Variants in RANBP6 observed in about 807,000 individuals in gnomAD.
RANBP6 encodes RAN binding protein 6.
In RANBP6, 10 loss-of-function variants were observed where a neutral mutation model predicts 35.3. The observed-to-expected ratio is 0.28, with a 90% CI of 0.17 to 0.48. The LOEUF (loss-of-function observed/expected upper bound fraction) is 0.48. Among genes scored for constraint, RANBP6 ranks in the 20% least tolerant of loss-of-function variants. The pLI is 0.99. For synonymous variants in RANBP6, 514 were observed against 464.2 expected, an observed-to-expected ratio of 1.11 and a Z score of -1.38; for missense variants, 1,392 against 1,307.7, an observed-to-expected ratio of 1.06 and a Z score of -0.99.
At position 6,014,938 on chromosome 9, in the gene RANBP6, C is replaced by G; in HGVS notation, c.670G>C (p.Asp224His). The G allele has an allele frequency of 6.2e-7, 1 of 1,614,154 alleles. No individual in the cohort carries two copies. The highest frequency in any genetic ancestry group is 8.5e-7 in the Non-Finnish European group (1 of 1,180,012). Residue 224 changes from aspartate (D) to histidine (H), a missense_variant, in exon 1 of 1, where the codon GAC becomes CAC. Coordinates refer to ENST00000259569, the MANE Select transcript of RANBP6 (RefSeq NM_012416.4). ...NNIALFKDFADLLPGILQAVN... is the reference protein window; with the variant it reads ...NNIALFKDFAHLLPGILQAVN... Reference sequence around the variant, plus strand: ...GCCTGTAAGATTCCAGGAAGCAAGTCTGCAAAGTCTTTGAAAAGAGCAATA... The same window carrying G: ...GCCTGTAAGATTCCAGGAAGCAAGTGTGCAAAGTCTTTGAAAAGAGCAATA...
In RANBP6 at chr9:6,012,165, T is replaced by C. The variant is rs543631700; in HGVS notation, c.*125A>G. On this transcript the variant is annotated 3_prime_UTR_variant, in exon 1 of 1. Transcript: ENST00000259569. ...AACACTGATTAATTCTGGAGAAACA[T>C]GGAGAAGAACTATAAACTGCTTAGC... is the stretch of plus-strand genomic sequence containing the variant. 7.2e-6 allele frequency: 5 copies of C among 695,764 alleles called. No individual in the cohort carries two copies. The highest frequency in any genetic ancestry group is 4.9e-5 in the South Asian group (2 of 41,032). 43.1% of individuals were successfully genotyped at this position (695,764 alleles called of 1,614,324 possible).
Position 6,014,242 on chromosome 9 carries a change from G to A in RANBP6, c.1366C>T (p.Arg456Cys), listed in dbSNP as rs201478375. 37 of 1,613,964 alleles carry A rather than the reference G, an allele frequency of 2.3e-5. No homozygotes were observed. In the South Asian group the frequency reaches 2.4e-4, roughly 11 times the overall value. The change falls in exon 1 of 1, where the codon CGT (arginine) becomes TGT (cysteine). Residue 456 changes from arginine to cysteine, a missense_variant. Transcript: ENST00000259569. ...FHETVIAALL[R>C]TMENQGNQRV... ...TGATTACCTTGATTTTCCATGGTAC[G>A]TAACAGAGCTGCAATCACTGTTTCA...
Position 6,013,217 on chromosome 9 carries a change from G to A in RANBP6, c.2391C>T (p.His797=), listed in dbSNP as rs1177240393. The change falls in exon 1 of 1, where the codon CAC becomes CAT. Residue 797 remains histidine (H), a synonymous_variant. Transcript: ENST00000259569. ...VMGDGCLNDE[H]LEELGGILKA... is the part of the protein sequence containing the mutation. ...TCAGTATTCCTCCCAGTTCTTCCAA[G>A]TGTTCATCATTAAGGCAACCATCTC... 8 of 1,613,952 alleles carry A rather than the reference G, an allele frequency of 5.0e-6. No homozygotes were observed. Among genetic ancestry groups the A allele is most frequent in the African/African-American group, 1.3e-5 (1 of 75,018 alleles).
At position 6,012,599 on chromosome 9, in the gene RANBP6, G is replaced by T. The variant is rs756636728; in HGVS notation, c.3009C>A (p.His1003Gln). 1 of 1,614,106 alleles carries T rather than the reference G, an allele frequency of 6.2e-7. No homozygotes were observed. Among genetic ancestry groups the T allele is most frequent in the South Asian group, 1.1e-5 (1 of 91,064 alleles). The change falls in exon 1 of 1, where the codon CAC becomes CAA. Residue 1003 changes from histidine to glutamine, a missense_variant. Physicochemically the swap from His to Gln is conservative, Grantham distance 24. Coordinates refer to ENST00000259569, the MANE Select transcript of RANBP6 (RefSeq NM_012416.4). ...NCVNVDEVLP[H>Q]WLSWLPLHED... is the part of the protein sequence containing the mutation. ...CATGCAGTGGAAGCCATGATAACCA[G>T]TGTGGAAGAACTTCATCTACATTTA...
Position 6,013,361 on chromosome 9 carries a change from A to G in RANBP6, c.2247T>C (p.Tyr749=), listed in dbSNP as rs765830429. ...LECARIRGPE[Y]LAQMWQFICD... Reference sequence around the variant, plus strand: ...ATATGAATTGCCACATCTGTGCAAGATACTCTGGGCCACGAATTCTTGCAC... The same window carrying G: ...ATATGAATTGCCACATCTGTGCAAGGTACTCTGGGCCACGAATTCTTGCAC... Residue 749 remains tyrosine (Y), a synonymous_variant, in exon 1 of 1, where the codon TAT becomes TAC. Transcript: ENST00000259569. 6.2e-7 allele frequency: 1 copy of G among 1,614,184 alleles called. No homozygotes were observed. The highest frequency in any genetic ancestry group is 1.7e-5 in the Admixed American group (1 of 60,032).
chr9:6,014,842 G>A lies in RANBP6; in HGVS notation c.766C>T (p.Pro256Ser). The change falls in exon 1 of 1, where the codon CCT becomes TCT. Residue 256 changes from proline to serine, a missense_variant. Pro to Ser is a moderately conservative substitution (Grantham distance 74, BLOSUM62 -1). Transcript: ENST00000259569. ...ESLVEIADTV[P>S]KYLGPYLEDT... is the part of the protein sequence containing the mutation. ...TCTAAATAAGGACCCAAGTACTTAG[G>A]TACGGTATCTGCAATCTCAACAAGG... 1 of 1,614,196 alleles carries A rather than the reference G, an allele frequency of 6.2e-7. No homozygotes were observed. Among genetic ancestry groups the A allele is most frequent in the Non-Finnish European group, 8.5e-7 (1 of 1,180,036 alleles).
rs1244120728 is a variant in RANBP6 at position 6,013,992 on chromosome 9, T to C, written c.1616A>G (p.Tyr539Cys). 11 of 1,613,816 alleles carry C rather than the reference T, an allele frequency of 6.8e-6. No individual in the cohort carries two copies. The Middle Eastern group carries it at 4.9e-4, about 72-fold the overall frequency. The change falls in exon 1 of 1, where the codon TAT becomes TGT. Residue 539 changes from tyrosine to cysteine, a missense_variant. Transcript: ENST00000259569. ...CTTTAGTGAGGGCATGAATATATCA[T>C]AATATGGGACAAATTTTTCTTCTAT... ...DTIEEKFVPY[Y>C]DIFMPSLKHI... is the part of the protein sequence containing the mutation.
In RANBP6 at chr9:6,013,379, T is replaced by C; in HGVS notation, c.2229A>G (p.Arg743=). 6.2e-7 allele frequency: 1 copy of C among 1,614,206 alleles called. No homozygotes were observed. The highest frequency in any genetic ancestry group is 8.5e-7 in the Non-Finnish European group (1 of 1,180,030). The change falls in exon 1 of 1, where the codon AGA becomes AGG. Residue 743 remains arginine (R), a synonymous_variant. Coordinates refer to ENST00000259569, the MANE Select transcript of RANBP6 (RefSeq NM_012416.4). ...GTGCAAGATACTCTGGGCCACGAAT[T>C]CTTGCACATTCCAGGAGAAAAGGCA... The part of the protein sequence containing the change: ...ESMPFLLECA[R]IRGPEYLAQM...
chr9:6,015,034 G>C lies in RANBP6; in HGVS notation c.574C>G (p.Gln192Glu), dbSNP rs757054548. 2 of 1,614,162 alleles carry C rather than the reference G, an allele frequency of 1.2e-6. No individual in the cohort carries two copies. The highest frequency in any genetic ancestry group is 1.7e-6 in the Non-Finnish European group (2 of 1,180,026). The change falls in exon 1 of 1, where the codon CAA becomes GAA. Residue 192 changes from glutamine to glutamate, a missense_variant. By Grantham distance (29) the Gln-to-Glu change is conservative (BLOSUM62 2). Coordinates refer to ENST00000259569, the MANE Select transcript of RANBP6 (RefSeq NM_012416.4). Reference protein sequence around the residue: ...KRLLDQCIQDQEHPAIRTLSA... With the variant: ...KRLLDQCIQDEEHPAIRTLSA... ...AATGTCCTGATTGCTGGATGTTCTT[G>C]ATCTTGAATACACTGGTCCAACAAC... is the stretch of plus-strand genomic sequence containing the variant.
At position 6,012,904 on chromosome 9, in the gene RANBP6, G is replaced by T; in HGVS notation, c.2704C>A (p.His902Asn). 1 of 1,614,086 alleles carries T rather than the reference G, an allele frequency of 6.2e-7. No individual in the cohort carries two copies. The highest frequency in any genetic ancestry group is 8.5e-7 in the Non-Finnish European group (1 of 1,180,018). The change falls in exon 1 of 1, where the codon CAC becomes AAC. Residue 902 changes from histidine to asparagine, a missense_variant. By Grantham distance (68) the His-to-Asn change is moderately conservative. Coordinates refer to ENST00000259569, the MANE Select transcript of RANBP6 (RefSeq NM_012416.4). ...TATTTAAATGAAGTTGGACTGCAGT[G>T]CTCTATGATGTCATCAAATATGCAC... ...GLCIFDDIIE[H>N]CSPTSFKYVE...
In RANBP6 at chr9:6,014,494, T is replaced by A; in HGVS notation, c.1114A>T (p.Met372Leu). The change falls in exon 1 of 1, where the codon ATG becomes TTG. Residue 372 changes from methionine to leucine, a missense_variant. Transcript: ENST00000259569. ...VVLPMTKEHI[M>L]QMLQSPDWKY... Reference sequence around the variant, plus strand: ...CAGTCAGGGCTCTGAAGCATCTGCATGATATGCTCCTTGGTCATTGGTAAA... The same window carrying A: ...CAGTCAGGGCTCTGAAGCATCTGCAAGATATGCTCCTTGGTCATTGGTAAA... 1 of 1,614,232 alleles carries A rather than the reference T, an allele frequency of 6.2e-7. No individual in the cohort carries two copies.
In RANBP6 at chr9:6,011,147, G is replaced by C. The variant is rs1842463430; in HGVS notation, c.*1143C>G. On this transcript the variant is annotated 3_prime_UTR_variant, in exon 1 of 1. Coordinates refer to ENST00000259569, the MANE Select transcript of RANBP6 (RefSeq NM_012416.4). ...GAAATTATAGATGTATTTAAGTTTT[G>C]GATCAATGAGTAATCGTTAGCTGAG... The C allele has an allele frequency of 6.6e-6, 1 of 152,102 alleles. No homozygotes were observed. Among genetic ancestry groups the C allele is most frequent in the African/African-American group, 2.4e-5 (1 of 41,420 alleles). 9.4% of individuals were successfully genotyped at this position (152,102 alleles called of 1,614,324 possible). A position where few individuals can be genotyped will look rare whatever the true frequency, so the allele number is the denominator to read the frequency against.
chr9:6,013,161 TG>T lies in RANBP6; in HGVS notation c.2446del (p.Gln816LysfsTer3). 6.2e-7 allele frequency: 1 copy of T among 1,614,056 alleles called. No homozygotes were observed. Among genetic ancestry groups the T allele is most frequent in the Non-Finnish European group, 8.5e-7 (1 of 1,180,002 alleles). ...CTGTCTTTTCACCTGTCTCAATTCT[TG>T]GTTTTTAAAGTGCCCTTCAAGTTTT... ...KAKLEGHFKN[Q>X]ELRQVKRQEE... On this transcript the variant is annotated frameshift_variant, in exon 1 of 1. Coordinates refer to ENST00000259569, the MANE Select transcript of RANBP6 (RefSeq NM_012416.4). LOFTEE classifies it high-confidence loss of function.
rs1289590844 is a variant in RANBP6, at chr9:6,014,867, G to A, written c.741C>T (p.Ser247=). 6.2e-7 allele frequency: 1 copy of A among 1,614,078 alleles called. No homozygotes were observed. Residue 247 remains serine, a synonymous_variant, in exon 1 of 1, where the codon TCC becomes TCT. Transcript: ENST00000259569. Reference sequence around the variant, plus strand: ...GTACGGTATCTGCAATCTCAACAAGGGATTCTAGCACTGAATCATCATCCT... The same window carrying A: ...GTACGGTATCTGCAATCTCAACAAGAGATTCTAGCACTGAATCATCATCCT... ...CYQDDDSVLE[S]LVEIADTVPK... is the part of the protein sequence containing the mutation.
Position 6,012,282 on chromosome 9 carries a change from A to G in RANBP6, c.*8T>C. The G allele has an allele frequency of 1.3e-6, 2 of 1,524,122 alleles. No individual in the cohort carries two copies. Among genetic ancestry groups the G allele is most frequent in the Non-Finnish European group, 1.8e-6 (2 of 1,136,206 alleles). The allele number at this position is 1,524,122 out of a possible 1,614,324, so 94.4% of individuals were successfully genotyped here. ...TAATAGATAATATTCAAGTTATATT[A>G]AAGTGCTTCAAGCAAAATTTAGCAA... On this transcript the variant is annotated 3_prime_UTR_variant, in exon 1 of 1. Transcript: ENST00000259569.
Position 6,013,463 on chromosome 9 carries a change from C to T in RANBP6, c.2145G>A (p.Met715Ile). 6.2e-7 allele frequency: 1 copy of T among 1,614,198 alleles called. No individual in the cohort carries two copies. The highest frequency in any genetic ancestry group is 8.5e-7 in the Non-Finnish European group (1 of 1,180,024). ...VEYTEQVVKLMVPLLKFYFHD... is the reference protein window; with the variant it reads ...VEYTEQVVKLIVPLLKFYFHD... The stretch of plus-strand genomic sequence containing the variant: ...GGAAATAAAATTTCAGTAAAGGAAC[C>T]ATCAGCTTCACAACTTGTTCTGTAT... The change falls in exon 1 of 1, where the codon ATG (methionine) becomes ATA (isoleucine). Residue 715 changes from methionine to isoleucine, a missense_variant. Met to Ile is a conservative substitution (Grantham distance 10, BLOSUM62 1). Transcript: ENST00000259569.
rs1331917505 is a variant in RANBP6, at chr9:6,015,593, C to G, written c.15G>C (p.Ala5=). Residue 5 remains alanine, a synonymous_variant, in exon 1 of 1, where the codon GCG becomes GCC. Coordinates refer to ENST00000259569, the MANE Select transcript of RANBP6 (RefSeq NM_012416.4). The part of the protein sequence containing the change: MAAT[A]SAGVPATVSE... ...ACACGGTCGCCGGCACCCCTGCAGACGCGGTTGCCGCCATTGCGCTCTGTC... is the reference window on the plus strand; with the variant it reads ...ACACGGTCGCCGGCACCCCTGCAGAGGCGGTTGCCGCCATTGCGCTCTGTC... 6.3e-7 allele frequency: 1 copy of G among 1,595,470 alleles called. No homozygotes were observed.
At position 6,015,265 on chromosome 9, in the gene RANBP6, TC is replaced by T; in HGVS notation, c.342del (p.Lys116AsnfsTer13). ...AVKLETHASM[R>X]KKLCDIFAVL... ...ACTGCAAAAATATCACAAAGTTTTTTCCTCATGCTAGCATGTGTTTCTAACT... is the reference window on the plus strand; with the variant it reads ...ACTGCAAAAATATCACAAAGTTTTTTCTCATGCTAGCATGTGTTTCTAACT... On this transcript the variant is annotated frameshift_variant, in exon 1 of 1. Coordinates refer to ENST00000259569, the MANE Select transcript of RANBP6 (RefSeq NM_012416.4). LOFTEE classifies it low-confidence loss of function (END_TRUNC). 6.2e-7 allele frequency: 1 copy of T among 1,614,226 alleles called. No homozygotes were observed. The highest frequency in any genetic ancestry group is 8.5e-7 in the Non-Finnish European group (1 of 1,180,028).
rs773204709 is a variant in RANBP6, at chr9:6,012,552, T to A, written c.3056A>T (p.Gln1019Leu). The A allele has an allele frequency of 3.7e-6, 6 of 1,613,762 alleles. No individual in the cohort carries two copies. The Admixed American group carries it at 8.3e-5, about 22-fold the overall frequency. Residue 1019 changes from glutamine (Q) to leucine (L), a missense_variant, in exon 1 of 1, where the codon CAG (glutamine) becomes CTG (leucine). Transcript: ENST00000259569. ...TAGGTCACAGAGAAAACTCAAAGTCTGAATAGCTTCCTCTTTATCTTCATG... is the reference window on the plus strand; with the variant it reads ...TAGGTCACAGAGAAAACTCAAAGTCAGAATAGCTTCCTCTTTATCTTCATG... ...PLHEDKEEAI[Q>L]TLSFLCDLIE...
Sources: allele counts gnomAD v4.1 joint callset, GRCh38; gene constraint gnomAD v4.1.1; transcripts MANE v1.5; gene names NCBI Gene and HGNC (gene_info 2026-07-23, HGNC 2026-07-21).